The following KPNA6 variants were observed in gnomAD, a reference collection of about 807,000 sequenced individuals.
KPNA6 encodes the protein importin subunit alpha-7.
In KPNA6, 9 loss-of-function variants were observed where a neutral mutation model predicts 72.0. That is an observed-to-expected ratio of 0.13 (90% confidence interval 0.08 to 0.22). KPNA6 has a LOEUF of 0.22. KPNA6 is among the 10% of genes least tolerant of loss of function. KPNA6 has a pLI of 1.00. For missense variants in KPNA6, 374 were observed against 655.7 expected (o/e 0.57, Z 4.69); for synonymous variants, 219 against 242.1 (o/e 0.90, Z 0.89).
At chr1:32,122,407 T>C (rs1396824905) in intron 1 of KPNA6, among the ~76,000 whole-genome samples, 2 of 150,612 alleles carry the variant, frequency 1.3e-5, no homozygotes, top group Admixed American at 1.3e-4. Flanking sequence ...TGAAAATGTC[T>C]AGTGAATTTA....
chr1:32,165,618 C>T (rs1206035141), intron 10 of KPNA6, among the ~76,000 whole-genome samples: 1 of 152,092 alleles, frequency 6.6e-6, no homozygotes, highest in Non-Finnish European at 1.5e-5. Flanking sequence ...AGAAGGATTG[C>T]TTGAGACTGG....
At chr1:32,159,583 A>G in intron 6 of KPNA6, 52 bp downstream of exon 6, 1 of 1,580,136 alleles carries the variant, frequency 6.3e-7, no homozygotes, top group Non-Finnish European at 8.6e-7. Flanking sequence ...TATAATAAAA[A>G]ATATATTTGG....
intron 1 of KPNA6, among the ~76,000 whole-genome samples, chr1:32,122,034 G>A (rs916760671): frequency 2.0e-5 from 3 of 151,786 alleles, no homozygotes; most frequent in Non-Finnish European, 4.4e-5. Context: ...AGCAGTTTGG[G>A]AGGCCGAGGC....
chr1:32,176,268 C>G lies in KPNA6; in HGVS notation c.*5374C>G, dbSNP rs2124115419. On this transcript the variant is annotated 3_prime_UTR_variant, in exon 14 of 14. Coordinates refer to ENST00000373625, the MANE Select transcript of KPNA6 (RefSeq NM_012316.5). ...CCCCGAGAATGGCTTGGGTTACCAG[C>G]TATGGACCCTTGGAAGATGAATCTA... 6.6e-6 allele frequency: 1 copy of G among 152,182 alleles called. No homozygotes were observed. Among genetic ancestry groups the G allele is most frequent in the South Asian group, 2.1e-4 (1 of 4,814 alleles). 9.4% of individuals were successfully genotyped at this position (152,182 alleles called of 1,614,324 possible).
chr1:32,129,208 G>C (rs1641593425), intron 1 of KPNA6, among the ~76,000 whole-genome samples: 3 of 148,446 alleles, frequency 2.0e-5, no homozygotes, highest in Admixed American at 1.4e-4. Context: ...CTGTTGCCCA[G>C]GCTGGAGTGC....
At chr1:32,139,493 C>G (rs1252717273) in intron 1 of KPNA6, among the ~76,000 whole-genome samples, 1 of 152,020 alleles carries the variant, frequency 6.6e-6, no homozygotes, top group African/African-American at 2.4e-5. Flanking sequence ...CCAGCAACAC[C>G]AAAAGTTATT....
At chr1:32,152,585 C>T (rs533169554) in intron 1 of KPNA6, among the ~76,000 whole-genome samples, 3 of 152,206 alleles carry the variant, frequency 2.0e-5, no homozygotes, top group African/African-American at 7.2e-5. Flanking sequence ...GTGGCTCACA[C>T]CTGTAATCCC....
intron 1 of KPNA6, among the ~76,000 whole-genome samples, chr1:32,140,342 C>G (rs1467026265): frequency 6.6e-6 from 1 of 151,946 alleles, no homozygotes; most frequent in Non-Finnish European, 1.5e-5. Flanking sequence ...TGAGATGGTG[C>G]CACTGCACTC....
intron 1 of KPNA6, among the ~76,000 whole-genome samples, chr1:32,118,932 C>T (rs1230078742): frequency 6.9e-6 from 1 of 144,380 alleles, no homozygotes; most frequent in Admixed American, 7.1e-5. Context: ...CTGTTAATCA[C>T]TTAGTAAACA....
chr1:32,116,184 CTTTTCT>C (rs1641324800), intron 1 of KPNA6, among the ~76,000 whole-genome samples: 1 of 146,970 alleles, frequency 6.8e-6, no homozygotes, highest in Admixed American at 6.9e-5. Context: ...TTTTTCTTTT[CTTTTCT>C]TTTTTTTTTT....
intron 5 of KPNA6, 33 bp from the exon 6 acceptor site, chr1:32,159,367 G>A (rs1450372025): frequency 6.2e-7 from 1 of 1,611,294 alleles, no homozygotes; most frequent in Non-Finnish European, 8.5e-7. Context: ...AGTCTGAAAT[G>A]ACCTTTCAAT....
chr1:32,110,745 A>G (rs559086217), intron 1 of KPNA6, among the ~76,000 whole-genome samples: 2 of 152,222 alleles, frequency 1.3e-5, no homozygotes, highest in East Asian at 3.9e-4. Flanking sequence ...AAAAATACAA[A>G]AATTAGCTGG....
At chr1:32,166,324 C>A in intron 11 of KPNA6, 94 bp downstream of exon 11, 1 of 1,455,842 alleles carries the variant, frequency 6.9e-7, no homozygotes, top group Non-Finnish European at 9.2e-7. Flanking sequence ...ATTTGTTTCC[C>A]TTTAAAAATA....
intron 2 of KPNA6, among the ~76,000 whole-genome samples, chr1:32,156,648 T>C (rs1642149077): frequency 6.6e-6 from 1 of 152,226 alleles, no homozygotes; most frequent in Non-Finnish European, 1.5e-5. Context: ...GAATTTTCTG[T>C]GTAATATTTT....
At position 32,170,927 on chromosome 1, in the gene KPNA6, G is replaced by C; in HGVS notation, c.*33G>C. On this transcript the variant is annotated 3_prime_UTR_variant, in exon 14 of 14. Transcript: ENST00000373625. The stretch of plus-strand genomic sequence containing the variant: ...CTCCAGGGAGGGGAGGGGATGGGAA[G>C]CACCACCAGCCAGCGGAAGAGCAGC... 6.3e-7 allele frequency: 1 copy of C among 1,596,082 alleles called. No homozygotes were observed. The highest frequency in any genetic ancestry group is 8.6e-7 in the Non-Finnish European group (1 of 1,164,660).
At chr1:32,155,554 C>G (rs1642123560) in intron 2 of KPNA6, among the ~76,000 whole-genome samples, 1 of 151,890 alleles carries the variant, frequency 6.6e-6, no homozygotes, top group Non-Finnish European at 1.5e-5. Flanking sequence ...AACTCCTGAC[C>G]TTGTGATCTG....
chr1:32,124,795 A>G (rs1213339568), intron 1 of KPNA6, among the ~76,000 whole-genome samples: 1 of 125,158 alleles, frequency 8.0e-6, no homozygotes, highest in African/African-American at 3.0e-5. Flanking sequence ...GTGTGAGCCA[A>G]CGTGTTCGGC....
chr1:32,108,154 A>C lies in KPNA6; in HGVS notation c.4+20A>C. 2 of 1,613,986 alleles carry C rather than the reference A, an allele frequency of 1.2e-6. No individual in the cohort carries two copies. The highest frequency in any genetic ancestry group is 1.7e-6 in the Non-Finnish European group (2 of 1,179,906). ...CGATGGGTGAGTGAGGAAACCACGC[A>C]GTAGGGTTCTTGGGCTCAGGGAGTG... On this transcript the variant is annotated intron_variant, in intron 1 of 13. Transcript: ENST00000373625.
intron 1 of KPNA6, among the ~76,000 whole-genome samples, chr1:32,153,183 C>G (rs527744313): frequency 6.6e-6 from 1 of 152,068 alleles, no homozygotes; most frequent in African/African-American, 2.4e-5. Context: ...AGTCAAGTCT[C>G]TGGTAAAGGT....
Sources: gnomAD v4.1 joint callset for allele counts (sites outside exome capture counted in the v4.1 genomes callset) on GRCh38, gnomAD v4.1.1 for gene constraint, MANE v1.5 for transcripts, NCBI Gene and HGNC (gene_info 2026-07-23, HGNC 2026-07-21) for gene names.